PPHLN1: variants seen among roughly 807,000 people sequenced by gnomAD.
The protein encoded by PPHLN1 is periphilin 1, also known as periphilin-1.
In PPHLN1, 29 loss-of-function variants were observed where a neutral mutation model predicts 51.3. The ratio of observed to expected loss-of-function variants is 0.57; its 90% CI spans 0.42 to 0.77. PPHLN1 has a LOEUF of 0.77. PPHLN1 is among the 30% of genes least tolerant of loss of function. The pLI is 0.00. For missense variants in PPHLN1, 436 were observed against 438.4 expected (o/e 0.99, Z 0.05); for synonymous variants, 147 against 147.8 (o/e 0.99, Z 0.04).
intron 4 of PPHLN1, among the ~76,000 whole-genome samples, chr12:42,368,524 A>G (rs1019064594): frequency 5.3e-5 from 8 of 152,250 alleles, no homozygotes; most frequent in African/African-American, 1.9e-4. Context: ...GAGGTTAATT[A>G]TAATAAGGTC....
intron 5 of PPHLN1, among the ~76,000 whole-genome samples, chr12:42,377,301 C>CTTTTTTT (rs11297368): frequency 1.9e-5 from 2 of 104,996 alleles, no homozygotes; most frequent in African/African-American, 3.2e-5. Flanking sequence ...TTTTTTCTTT[C>CTTTTTTT]TTTTTTTTTT....
At chr12:42,355,830 G>A (rs1408253198) in intron 4 of PPHLN1, among the ~76,000 whole-genome samples, 1 of 151,918 alleles carries the variant, frequency 6.6e-6, no homozygotes, top group Non-Finnish European at 1.5e-5. Flanking sequence ...TATGGATTAT[G>A]AGGTTTGCTT....
intron 4 of PPHLN1, among the ~76,000 whole-genome samples, chr12:42,357,103 A>G (rs2074128852): frequency 6.6e-6 from 1 of 152,224 alleles, no homozygotes; most frequent in African/African-American, 2.4e-5. Flanking sequence ...GGAAATTACA[A>G]ATCATTTCTA....
At chr12:42,394,047 A>C (rs563321516) in intron 8 of PPHLN1, among the ~76,000 whole-genome samples, 1 of 151,832 alleles carries the variant, frequency 6.6e-6, no homozygotes, top group Admixed American at 6.5e-5. Context: ...ATCTAATTTG[A>C]CCTTGGATTG....
intron 9 of PPHLN1, among the ~76,000 whole-genome samples, chr12:42,404,516 C>A (rs1041632025): frequency 2.5e-5 from 3 of 119,246 alleles, no homozygotes; most frequent in Non-Finnish European, 5.2e-5. Flanking sequence ...GCAACAAGAG[C>A]AAAACTCCGT....
At chr12:42,396,753 G>A (rs1389434606) in intron 8 of PPHLN1, among the ~76,000 whole-genome samples, 1 of 150,216 alleles carries the variant, frequency 6.7e-6, no homozygotes, top group Non-Finnish European at 1.5e-5. Flanking sequence ...TCACACCATG[G>A]CCCTCCAGGC....
At chr12:42,410,773 C>A (rs1269139013) in intron 9 of PPHLN1, among the ~76,000 whole-genome samples, 3 of 152,140 alleles carry the variant, frequency 2.0e-5, no homozygotes, top group Non-Finnish European at 4.4e-5. Flanking sequence ...TCAAAACACA[C>A]AAGATTGAGA....
rs67724902 is a variant in PPHLN1 at position 42,400,798 on chromosome 12, T to TCACACA, written c.909+1834_909+1839dup. Among the ~76,000 whole-genome samples the TCACACA allele has an allele frequency of 7.6e-3, 1,082 of 142,616 alleles. 5 individuals carry two copies. Among genetic ancestry groups the TCACACA allele is most frequent in the Middle Eastern group, 0.032 (9 of 280 alleles). 93.6% of individuals were successfully genotyped at this position (142,616 alleles called of 152,430 possible). On this transcript the variant is annotated intron_variant, in intron 9 of 9. Coordinates refer to ENST00000358314, the MANE Select transcript of PPHLN1 (RefSeq NM_201439.2). ...CTTTCTCTCTCTCTCTCTCTCTCTT[T>TCACACA]CACACACACACACACACACACACAC... is the stretch of plus-strand genomic sequence containing the variant.
chr12:42,420,062 A>T (rs1592895593), intron 9 of PPHLN1, among the ~76,000 whole-genome samples: 1 of 152,326 alleles, frequency 6.6e-6, no homozygotes, highest in East Asian at 1.9e-4. Flanking sequence ...CAAAAAATAG[A>T]GTACAGAATG....
At chr12:42,345,643 A>T (rs898564482) in intron 2 of PPHLN1, among the ~76,000 whole-genome samples, 1 of 150,896 alleles carries the variant, frequency 6.6e-6, no homozygotes, top group African/African-American at 2.4e-5. Flanking sequence ...ATTAGTATGT[A>T]GATATTTTTA....
intron 9 of PPHLN1, among the ~76,000 whole-genome samples, chr12:42,439,811 C>T (rs996312429): frequency 1.3e-5 from 2 of 152,200 alleles, no homozygotes; most frequent in Non-Finnish European, 2.9e-5. Flanking sequence ...AGGCGTGAGC[C>T]ACCTTTACAG....
At chr12:42,378,060 A>G (rs2076416697) in intron 5 of PPHLN1, among the ~76,000 whole-genome samples, 1 of 152,040 alleles carries the variant, frequency 6.6e-6, no homozygotes, top group African/African-American at 2.4e-5. Flanking sequence ...GACTTTATTA[A>G]TGCCTGCATC....
intron 4 of PPHLN1, among the ~76,000 whole-genome samples, chr12:42,370,119 C>G (rs1329387600): frequency 1.3e-5 from 2 of 152,212 alleles, no homozygotes; most frequent in Non-Finnish European, 2.9e-5. Context: ...CCCTTACATG[C>G]TAGTGAGCTT....
chr12:42,407,470 T>G (rs960625394), intron 9 of PPHLN1, among the ~76,000 whole-genome samples: 3 of 152,212 alleles, frequency 2.0e-5, no homozygotes, highest in African/African-American at 7.2e-5. Context: ...ACCTTAATGC[T>G]TTCATTGGTT....
At chr12:42,363,250 CTAA>C (rs1214735301) in intron 4 of PPHLN1, among the ~76,000 whole-genome samples, 3 of 152,064 alleles carry the variant, frequency 2.0e-5, no homozygotes, top group Non-Finnish European at 4.4e-5. Context: ...GTTCACACCC[CTAA>C]ATGTGATTAT....
chr12:42,401,272 G>A (rs1279070493), intron 9 of PPHLN1, among the ~76,000 whole-genome samples: 2 of 152,124 alleles, frequency 1.3e-5, no homozygotes, highest in Admixed American at 6.5e-5. Context: ...GTAGAAGGAC[G>A]AGTCTCTCTC....
At chr12:42,348,057 A>T (rs530646715) in intron 2 of PPHLN1, among the ~76,000 whole-genome samples, 4 of 152,232 alleles carry the variant, frequency 2.6e-5, no homozygotes, top group South Asian at 2.1e-4. Context: ...AGCCAGGTAT[A>T]AGAGCTGTCA....
chr12:42,329,435 T>G (rs920397191), intron 1 of PPHLN1, among the ~76,000 whole-genome samples: 1 of 152,186 alleles, frequency 6.6e-6, no homozygotes. Flanking sequence ...AATAGAAACA[T>G]TAGAATATTA....
At chr12:42,398,761 A>T in intron 8 of PPHLN1, 93 bp from the exon 9 acceptor site, 3 of 1,073,088 alleles carry the variant, frequency 2.8e-6, no homozygotes, top group Admixed American at 2.5e-5. Flanking sequence ...TCTAGCACTT[A>T]ATATAATTTG....
Sources: allele counts gnomAD v4.1 joint callset (sites outside exome capture counted in the v4.1 genomes callset), GRCh38; gene constraint gnomAD v4.1.1; transcripts MANE v1.5; gene names NCBI Gene and HGNC (gene_info 2026-07-23, HGNC 2026-07-21).